The following PPRC1 variants were observed in gnomAD, a reference collection of about 807,000 sequenced individuals.
PPRC1 encodes peroxisome proliferator-activated receptor gamma coactivator-related protein 1.
A neutral mutation model predicts 132.5 loss-of-function variants in PPRC1; 23 were observed. The observed-to-expected ratio is 0.17, with a 90% confidence interval of 0.12 to 0.25. The LOEUF (loss-of-function observed/expected upper bound fraction) is 0.25, where lower values mean the gene tolerates loss of function less well. PPRC1 is among the 10% of genes least tolerant of loss of function. The pLI is 1.00. For synonymous variants in PPRC1, 872 were observed against 833.5 expected (o/e 1.05, Z -0.80); for missense variants, 2,006 against 2,089.1 (o/e 0.96, Z 0.78).
At position 102,148,671 on chromosome 10, in the gene PPRC1, G is replaced by A. The variant is rs980612008; in HGVS notation, c.4594G>A (p.Val1532Met). ...ACATGACCATTACCAAAGGCAAAGA[G>A]TGCTACAAAAGGAGCGTGCAATAGT... ...RSHDHYQRQR[V>M]LQKERAIEER... Residue 1532 changes from valine (V) to methionine (M), a missense_variant, in exon 11 of 14, where the codon GTG becomes ATG. Transcript: ENST00000278070. This position sits in a 1 kb window ranked among gnomAD's most constrained non-coding sequence, Gnocchi z 4.2. 3.1e-6 allele frequency: 5 copies of A among 1,614,048 alleles called. No individual in the cohort carries two copies. In the Admixed American group the frequency reaches 6.7e-5, roughly 22 times the overall value.
At chr10:102,147,449 G>A in intron 9 of PPRC1, 57 bp downstream of exon 9, 3 of 1,515,158 alleles carry the variant, frequency 2.0e-6, no homozygotes, top group Non-Finnish European at 2.7e-6. Context: ...GTACTTCTGT[G>A]GTTTACTTTG....
chr10:102,129,881 G>T (rs2068515412), upstream of PPRC1, among the ~76,000 whole-genome samples: 1 of 152,200 alleles, frequency 6.6e-6, no homozygotes, highest in African/African-American at 2.4e-5. Context: ...TGTAATTACA[G>T]GCGTGAGCCA....
chr10:102,149,528 C>T (rs544861207), intron 13 of PPRC1, among the ~76,000 whole-genome samples, 199 bp downstream of exon 13: 2 of 152,138 alleles, frequency 1.3e-5, no homozygotes, highest in African/African-American at 2.4e-5. Flanking sequence ...GTCAGGAGTT[C>T]GAGACCAGCC....
At chr10:102,123,718 G>A in the PPRC1 span, among the ~76,000 whole-genome samples, 69 of 151,116 alleles carry the variant, frequency 4.6e-4, 1 homozygote, top group East Asian at 0.012. Flanking sequence ...TTTTTTAGTA[G>A]AGACAGGGTT....
chr10:102,142,400 C>CCT (rs2069029373), intron 5 of PPRC1, among the ~76,000 whole-genome samples: 2 of 61,206 alleles, frequency 3.3e-5, no homozygotes, highest in Non-Finnish European at 6.2e-5. Flanking sequence ...TGCACCATGC[C>CCT]TTTTTTTTTT....
chr10:102,119,972 C>G, the PPRC1 span: 4 of 777,474 alleles, frequency 5.1e-6, no homozygotes, highest in Middle Eastern at 2.6e-4. Context: ...TTCCAGCCCC[C>G]GGCTTCCCCC....
upstream of PPRC1, among the ~76,000 whole-genome samples, chr10:102,128,488 T>C (rs191446414): frequency 2.3e-3 from 348 of 152,052 alleles, no homozygotes; most frequent in Non-Finnish European, 4.0e-3. Context: ...CTCTCCATAG[T>C]ACTGCTTATA....
intron 1 of PPRC1, among the ~76,000 whole-genome samples, chr10:102,136,258 C>T (rs1040820960): frequency 6.6e-6 from 1 of 151,720 alleles, no homozygotes; most frequent in African/African-American, 2.4e-5. Context: ...CTTAACCAGC[C>T]TTTCCTTTTC....
chr10:102,138,296 T>C (rs2068800266), intron 2 of PPRC1, among the ~76,000 whole-genome samples: 1 of 152,228 alleles, frequency 6.6e-6, no homozygotes, highest in Non-Finnish European at 1.5e-5. Context: ...CTGAACTACA[T>C]GTCCAGAGGA....
In PPRC1 at chr10:102,148,135, A is replaced by G. The variant is rs1159471414; in HGVS notation, c.4401-237A>G. On this transcript the variant is annotated intron_variant, in intron 9 of 13. Transcript: ENST00000278070. This position sits in a 1 kb window ranked among gnomAD's most constrained non-coding sequence, Gnocchi z 4.2. Reference sequence around the variant, plus strand: ...AATATTTTTCAATTTTTAAGTGCACAATTGAAAATGTGATCTCTTCCAAAA... The same window carrying G: ...AATATTTTTCAATTTTTAAGTGCACGATTGAAAATGTGATCTCTTCCAAAA... 6.6e-6 allele frequency among the ~76,000 whole-genome samples: 1 copy of G among 152,158 alleles called. No individual in the cohort carries two copies. Among genetic ancestry groups the G allele is most frequent in the African/African-American group, 2.4e-5 (1 of 41,428 alleles).
rs1220263342 is a variant in PPRC1 at position 102,141,391 on chromosome 10, G to A, written c.2883G>A (p.Val961=). 1.9e-6 allele frequency: 3 copies of A among 1,613,830 alleles called. No homozygotes were observed. In the East Asian group the frequency reaches 6.7e-5, roughly 36 times the overall value. Residue 961 remains valine, a synonymous_variant, in exon 5 of 14, where the codon GTG becomes GTA. Coordinates refer to ENST00000278070, the MANE Select transcript of PPRC1 (RefSeq NM_015062.5). ...GAYAVPPTCS[V]PWAPPPAPVS... ...ATGCCGTGCCTCCCACTTGCAGTGT[G>A]CCTTGGGCACCCCCTCCTGCCCCAG...
chr10:102,141,899 A>C lies in PPRC1; in HGVS notation c.3391A>C (p.Lys1131Gln). The change falls in exon 5 of 14, where the codon AAG becomes CAG. Residue 1131 changes from lysine to glutamine, a missense_variant. Physicochemically the swap from Lys to Gln is moderately conservative, Grantham distance 53. Coordinates refer to ENST00000278070, the MANE Select transcript of PPRC1 (RefSeq NM_015062.5). ...VPTPRQSTVPKLPAVHPARLR... is the reference protein window; with the variant it reads ...VPTPRQSTVPQLPAVHPARLR... The stretch of plus-strand genomic sequence containing the variant: ...CACACCAAGGCAGAGCACTGTCCCC[A>C]AGCTGCCTGCTGTCCACCCAGCCCG... 6.2e-7 allele frequency: 1 copy of C among 1,614,108 alleles called. No individual in the cohort carries two copies. The highest frequency in any genetic ancestry group is 8.5e-7 in the Non-Finnish European group (1 of 1,180,010).
chr10:102,147,070 A>T lies in PPRC1; in HGVS notation c.4078A>T (p.Ser1360Cys). ...SREPLDHRTS[S>C]EQADPSAPCL... is the part of the protein sequence containing the mutation. Reference sequence around the variant, plus strand: ...GGAGCCGCTTGATCACAGGACTAGCAGTGAGCAGGCAGATCCCTCAGCACC... The same window carrying T: ...GGAGCCGCTTGATCACAGGACTAGCTGTGAGCAGGCAGATCCCTCAGCACC... The change falls in exon 9 of 14, where the codon AGT (serine) becomes TGT (cysteine). Residue 1360 changes from serine (S) to cysteine (C), a missense_variant. Physicochemically the swap from Ser to Cys is moderately radical, Grantham distance 112 (BLOSUM62 -1). Coordinates refer to ENST00000278070, the MANE Select transcript of PPRC1 (RefSeq NM_015062.5). 6.2e-7 allele frequency: 1 copy of T among 1,614,162 alleles called. No homozygotes were observed. The highest frequency in any genetic ancestry group is 8.5e-7 in the Non-Finnish European group (1 of 1,180,012).
At chr10:102,128,961 G>A (rs1394938354), upstream of PPRC1, among the ~76,000 whole-genome samples, 2 of 107,336 alleles carry the variant, frequency 1.9e-5, no homozygotes, top group Non-Finnish European at 3.5e-5. Context: ...ACGGAGTCTC[G>A]CTCTGTCACC....
the PPRC1 span, chr10:102,120,060 G>T: frequency 2.1e-6 from 3 of 1,430,944 alleles, no homozygotes. Flanking sequence ...GCAGGAAGGG[G>T]CCGAGTGGCC....
chr10:102,120,048 G>GGGCA, the PPRC1 span: 5 of 1,409,798 alleles, frequency 3.5e-6, no homozygotes, highest in Non-Finnish European at 3.8e-6. Context: ...AGGGACGGCT[G>GGGCA]GGCAGGAAGG....
the PPRC1 span, among the ~76,000 whole-genome samples, chr10:102,124,542 T>G: frequency 6.6e-6 from 1 of 151,724 alleles, no homozygotes. Flanking sequence ...TTTGTATTTT[T>G]AGTAGAGATG....
upstream of PPRC1, among the ~76,000 whole-genome samples, chr10:102,132,833 G>A (rs2068569671): frequency 6.6e-6 from 1 of 152,246 alleles, no homozygotes; most frequent in Admixed American, 6.5e-5. Context: ...GCAAAACTAA[G>A]CCCTACAGGA....
At chr10:102,143,248 G>A (rs2069074823) in intron 6 of PPRC1, 150 bp downstream of exon 6, 2 of 710,910 alleles carry the variant, frequency 2.8e-6, no homozygotes, top group Non-Finnish European at 2.4e-6. Flanking sequence ...AGATTGAACT[G>A]TGACGGTAAT....
Sources: allele counts gnomAD v4.1 joint callset (sites outside exome capture counted in the v4.1 genomes callset), GRCh38; gene constraint gnomAD v4.1.1; non-coding constraint Gnocchi (gnomAD v3.1); transcripts MANE v1.5; gene names NCBI Gene and HGNC (gene_info 2026-07-23, HGNC 2026-07-21).